SMARCE1: variants seen among roughly 807,000 people sequenced by gnomAD.
SMARCE1 encodes SWI/SNF related BAF chromatin remodeling complex subunit E1, also known as SWI/SNF-related matrix-associated actin-dependent regulator of chromatin subfamily E member 1.
A neutral mutation model predicts 54.9 loss-of-function variants in SMARCE1; 13 were observed. That is an observed-to-expected ratio of 0.24 (90% confidence interval 0.15 to 0.38). The LOEUF is 0.38. SMARCE1 is among the 10% of genes least tolerant of loss of function. The pLI is 1.00. For synonymous variants in SMARCE1, 151 were observed against 175.3 expected (o/e 0.86, Z 1.10); for missense variants, 295 against 523.8 (o/e 0.56, Z 4.26).
Position 40,628,579 on chromosome 17 carries a change from A to T in SMARCE1, c.*206T>A. On this transcript the variant is annotated 3_prime_UTR_variant, in exon 11 of 11. Coordinates refer to ENST00000348513, the MANE Select transcript of SMARCE1 (RefSeq NM_003079.5). ...TCAGCAGTTGAGGGCTAGAAACAAG[A>T]TCCAAAGAAAAGAGCCATCTTCACA... 1 of 526,930 alleles carries T rather than the reference A, an allele frequency of 1.9e-6. No homozygotes were observed. Among genetic ancestry groups the T allele is most frequent in the East Asian group, 3.3e-5 (1 of 30,766 alleles). 32.6% of individuals were successfully genotyped at this position (526,930 alleles called of 1,614,324 possible). A position where few individuals can be genotyped will look rare whatever the true frequency, so the allele number is the denominator to read the frequency against.
chr17:40,627,114 CTGAGA>C lies in SMARCE1; in HGVS notation c.*1666_*1670del, dbSNP rs1317925071. 6.6e-6 allele frequency: 1 copy of C among 152,338 alleles called. No homozygotes were observed. The highest frequency in any genetic ancestry group is 2.4e-5 in the African/African-American group (1 of 41,578). 9.4% of individuals were successfully genotyped at this position (152,338 alleles called of 1,614,324 possible). On this transcript the variant is annotated 3_prime_UTR_variant, in exon 11 of 11. Coordinates refer to ENST00000348513, the MANE Select transcript of SMARCE1 (RefSeq NM_003079.5). ...GTATCAAAGAGGCTGTCCAATTTGT[CTGAGA>C]TGAGATGGCTGAAGTTCTTAGCCAA...
Position 40,637,536 on chromosome 17 carries a change from G to C in SMARCE1, c.193C>G (p.Pro65Ala). The change falls in exon 5 of 11, where the codon CCA (proline) becomes GCA (alanine). Residue 65 changes from proline to alanine, a missense_variant. Pro to Ala is a conservative substitution (Grantham distance 27). This residue lies in a region of SMARCE1 where 30 missense variants were observed against 91.3 expected (regional missense o/e 0.33). Coordinates refer to ENST00000348513, the MANE Select transcript of SMARCE1 (RefSeq NM_003079.5). ...TAGGGCATCAGCGGCTTATCTGGTGGCTTTGGGGGTTTTGGAATCGTGATA... is the reference window on the plus strand; with the variant it reads ...TAGGGCATCAGCGGCTTATCTGGTGCCTTTGGGGGTTTTGGAATCGTGATA... ...SGITIPKPPK[P>A]PDKPLMPYMR... 6.2e-7 allele frequency: 1 copy of C among 1,613,484 alleles called. No individual in the cohort carries two copies.
intron 7 of SMARCE1, 186 bp downstream of exon 7, chr17:40,635,745 A>G (rs1423527608): frequency 2.4e-5 from 10 of 419,686 alleles, no homozygotes; most frequent in Admixed American, 1.7e-4. Context: ...ACTGAAAAGG[A>G]TATTTCTTTT....
rs1164381270 is a variant in SMARCE1 at position 40,642,496 on chromosome 17, AGTT to A, written c.112_114del (p.Asn38del). On this transcript the variant is annotated inframe_deletion, in exon 4 of 11. Coordinates refer to ENST00000348513, the MANE Select transcript of SMARCE1 (RefSeq NM_003079.5). The surrounding 1 kb of genome is among the most constrained non-coding windows in gnomAD (Gnocchi z 4.6). ...GTGCCCGGGTTCCCTCCCAGCCTGT[AGTT>A]GTTGTAGGCGAGATGACTGTATGGA... 1 of 1,612,738 alleles carries A rather than the reference AGTT, an allele frequency of 6.2e-7. No individual in the cohort carries two copies. The highest frequency in any genetic ancestry group is 8.5e-7 in the Non-Finnish European group (1 of 1,179,512).
At chr17:40,629,538 C>T in intron 10 of SMARCE1, 1 of 1,225,642 alleles carries the variant, frequency 8.2e-7, no homozygotes, top group East Asian at 3.2e-5. Flanking sequence ...GTCTTTTAGA[C>T]ACTTTGTTTA....
rs756987870 is a variant in SMARCE1 at position 40,645,854 on chromosome 17, T to TA, written c.-45-8dup. ...TAAGAATGAATCTGAGACACTAAAA[T>TA]AAAAAAAAAAGGAAAAAAAAAAGAG... On this transcript the variant is annotated splice_region_variant and splice_polypyrimidine_tract_variant and intron_variant, in intron 1 of 10. Transcript: ENST00000348513. 3.7e-3 allele frequency: 2,725 copies of TA among 728,592 alleles called. No individual in the cohort carries two copies. Among genetic ancestry groups the TA allele is most frequent in the South Asian group, 7.0e-3 (134 of 19,148 alleles). 45.1% of individuals were successfully genotyped at this position (728,592 alleles called of 1,614,324 possible). A position where few individuals can be genotyped will look rare whatever the true frequency, so the allele number is the denominator to read the frequency against.
At position 40,630,942 on chromosome 17, in the gene SMARCE1, G is replaced by C. The variant is rs774207941; in HGVS notation, c.817-18C>G. 1.1e-5 allele frequency: 18 copies of C among 1,592,934 alleles called. No homozygotes were observed. The South Asian group carries it at 1.8e-4, about 16-fold the overall frequency. ...CCGCACAACTAATCAGAAAAAAACA[G>C]AACTCCGTAATGTTTTTTCCTTATA... On this transcript the variant is annotated intron_variant, in intron 9 of 10. Coordinates refer to ENST00000348513, the MANE Select transcript of SMARCE1 (RefSeq NM_003079.5).
Position 40,639,012 on chromosome 17 carries a change from A to G in SMARCE1, c.157-1440T>C, listed in dbSNP as rs147394797. Among the ~76,000 whole-genome samples the G allele has an allele frequency of 2.8e-3, 433 of 152,226 alleles. 3 individuals are homozygous for G. The highest frequency in any genetic ancestry group is 0.02 in the Middle Eastern group (6 of 294). On this transcript the variant is annotated intron_variant, in intron 4 of 10. Coordinates refer to ENST00000348513, the MANE Select transcript of SMARCE1 (RefSeq NM_003079.5). The stretch of plus-strand genomic sequence containing the variant: ...CCCTATAACTCTACTTCTTCAAAGC[A>G]TTTCGCCTTGGAAGCAGTATTTCCT...
Position 40,630,936 on chromosome 17 carries a change from A to C in SMARCE1, c.817-12T>G, listed in dbSNP as rs145001237. On this transcript the variant is annotated splice_polypyrimidine_tract_variant and intron_variant, in intron 9 of 10. Coordinates refer to ENST00000348513, the MANE Select transcript of SMARCE1 (RefSeq NM_003079.5). ...TTCAGACCGCACAACTAATCAGAAA[A>C]AAACAGAACTCCGTAATGTTTTTTC... The C allele has an allele frequency of 6.2e-6, 10 of 1,603,374 alleles. No individual in the cohort carries two copies. The East Asian group carries it at 2.2e-4, about 36-fold the overall frequency.
intron 4 of SMARCE1, chr17:40,641,904 C>T (rs780767110): frequency 2.4e-4 from 38 of 156,028 alleles, no homozygotes; most frequent in South Asian, 5.9e-4. Flanking sequence ...CTTCACTCTG[C>T]ATTTCTTTGA....
At chr17:40,637,226 T>C (rs1381417980) in intron 5 of SMARCE1, 4 of 445,944 alleles carry the variant, frequency 9.0e-6, no homozygotes, top group Non-Finnish European at 1.6e-5. Flanking sequence ...CCTCACGTCA[T>C]TAAATATTCT....
In SMARCE1 at chr17:40,625,331, C is replaced by A. The variant is rs570871455; in HGVS notation, c.*3454G>T. The A allele has an allele frequency of 5.3e-5, 8 of 152,312 alleles. No individual in the cohort carries two copies. The highest frequency in any genetic ancestry group is 1.9e-4 in the African/African-American group (8 of 41,548). The allele number at this position is 152,312 out of a possible 1,614,324, so 9.4% of individuals were successfully genotyped here. On this transcript the variant is annotated 3_prime_UTR_variant, in exon 11 of 11. Transcript: ENST00000348513. Reference sequence around the variant, plus strand: ...CAGCACGATTTCTTCTAAAAAGGCTCCGAGTTCCTTTGAGCTTGTTATTGT... The same window carrying A: ...CAGCACGATTTCTTCTAAAAAGGCTACGAGTTCCTTTGAGCTTGTTATTGT...
chr17:40,640,939 A>G (rs2037193425), intron 4 of SMARCE1: 1 of 152,110 alleles, frequency 6.6e-6, no homozygotes, highest in South Asian at 2.1e-4. Flanking sequence ...GAACAATCTC[A>G]CTTTTTTAAC....
chr17:40,637,447 A>G (rs1257417175), intron 5 of SMARCE1, 45 bp downstream of exon 5: 1 of 1,408,246 alleles, frequency 7.1e-7, no homozygotes, highest in Non-Finnish European at 1.0e-6. Flanking sequence ...GCAAAGAAGC[A>G]GCAAAGACAG....
Position 40,635,677 on chromosome 17 carries a change from C to T in SMARCE1, c.541+254G>A, listed in dbSNP as rs111551348. The T allele has an allele frequency of 3.5e-3, 985 of 284,240 alleles. 7 individuals carry two copies. The highest frequency in any genetic ancestry group is 0.019 in the African/African-American group (890 of 46,088). The allele number at this position is 284,240 out of a possible 1,614,324, so 17.6% of individuals were successfully genotyped here. On this transcript the variant is annotated intron_variant, in intron 7 of 10. Transcript: ENST00000348513. ...TCCTGATTGTGATTTAAAAACCTTTCGTGCATTTTGAGTACAAAGATTTTG... is the reference window on the plus strand; with the variant it reads ...TCCTGATTGTGATTTAAAAACCTTTTGTGCATTTTGAGTACAAAGATTTTG...
In SMARCE1 at chr17:40,628,520, G is replaced by A. The variant is rs2037057297; in HGVS notation, c.*265C>T. ...AAAGGATAATTCTCTAAAAGAGGTG[G>A]GTGTTTTCTCAATTAATCTAAATTC... On this transcript the variant is annotated 3_prime_UTR_variant, in exon 11 of 11. Coordinates refer to ENST00000348513, the MANE Select transcript of SMARCE1 (RefSeq NM_003079.5). 1 of 390,088 alleles carries A rather than the reference G, an allele frequency of 2.6e-6. No homozygotes were observed. Among genetic ancestry groups the A allele is most frequent in the Non-Finnish European group, 4.7e-6 (1 of 211,884 alleles). 24.2% of individuals were successfully genotyped at this position (390,088 alleles called of 1,614,324 possible). A position where few individuals can be genotyped will look rare whatever the true frequency, so the allele number is the denominator to read the frequency against.
chr17:40,646,038 G>T (rs1212817203), intron 1 of SMARCE1, among the ~76,000 whole-genome samples, 191 bp from the exon 2 acceptor site: 1 of 152,136 alleles, frequency 6.6e-6, no homozygotes, highest in Non-Finnish European at 1.5e-5. Flanking sequence ...AGAATTAAAT[G>T]ACTAAAATAA....
chr17:40,645,512 A>G, intron 3 of SMARCE1, 64 bp downstream of exon 3: 1 of 944,306 alleles, frequency 1.1e-6, no homozygotes, highest in Non-Finnish European at 1.6e-6. Context: ...TCACTGGAAG[A>G]CATCTGGGTT....
chr17:40,629,808 G>C, intron 10 of SMARCE1: 1 of 385,660 alleles, frequency 2.6e-6, no homozygotes, highest in Non-Finnish European at 4.6e-6. Flanking sequence ...ATGTGCTCAT[G>C]CTCCAAATTC....
Sources: allele counts gnomAD v4.1 joint callset (sites outside exome capture counted in the v4.1 genomes callset), GRCh38; gene constraint gnomAD v4.1.1; regional missense constraint gnomAD v4.1.1; non-coding constraint Gnocchi (gnomAD v3.1); transcripts MANE v1.5; gene names NCBI Gene and HGNC (gene_info 2026-07-23, HGNC 2026-07-21).